RBM20: variants seen among roughly 807,000 people sequenced by gnomAD.
RBM20 encodes RNA binding motif protein 20.
In RBM20, 51 loss-of-function variants were observed where a neutral mutation model predicts 110.1. The ratio of observed to expected loss-of-function variants is 0.46; its 90% CI spans 0.37 to 0.59. The LOEUF is 0.59. Ranked by LOEUF, RBM20 falls within the 20% of genes least tolerant of loss-of-function variation. The pLI, the probability that RBM20 is intolerant of heterozygous loss-of-function variation, is 0.00. For missense variants in RBM20, 1,512 were observed against 1,574.9 expected, an observed-to-expected ratio of 0.96 and a Z score of 0.68; for synonymous variants, 589 against 618.2, an observed-to-expected ratio of 0.95 and a Z score of 0.70.
At chr10:110,660,462 C>G (rs151268204) in intron 1 of RBM20, among the ~76,000 whole-genome samples, 2 of 152,156 alleles carry the variant, frequency 1.3e-5, no homozygotes, top group African/African-American at 4.8e-5. Context: ...CTGTTAGGAA[C>G]GAGGCCACAC....
rs914841491 is a variant in RBM20 at position 110,694,290 on chromosome 10, C to A, written c.191+49645C>A. Among the ~76,000 whole-genome samples, 4 of 152,284 alleles carry A rather than the reference C, an allele frequency of 2.6e-5. No homozygotes were observed. In the South Asian group the frequency reaches 8.3e-4, roughly 32 times the overall value. On this transcript the variant is annotated intron_variant, in intron 1 of 13. Coordinates refer to ENST00000369519, the MANE Select transcript of RBM20 (RefSeq NM_001134363.3). The stretch of plus-strand genomic sequence containing the variant: ...AAGCCAAAAGGCAGCCTTGATCCCC[C>A]AAAAGAAATTGATTCTGTAACCCAA...
rs188458266 is a variant in RBM20 at position 110,830,799 on chromosome 10, G to A, written c.3452-262G>A. 5.9e-5 allele frequency among the ~76,000 whole-genome samples: 9 copies of A among 152,306 alleles called. No individual in the cohort carries two copies. The East Asian group carries it at 9.7e-4, about 16-fold the overall frequency. On this transcript the variant is annotated intron_variant, in intron 12 of 13. Coordinates refer to ENST00000369519, the MANE Select transcript of RBM20 (RefSeq NM_001134363.3). ...GGAGAACAGGCCAGCGGCAGGCCATGGAATGGCTAAGTGCTTACCACACCG... is the reference window on the plus strand; with the variant it reads ...GGAGAACAGGCCAGCGGCAGGCCATAGAATGGCTAAGTGCTTACCACACCG...
chr10:110,797,526 G>C lies in RBM20; in HGVS notation c.1546G>C (p.Ala516Pro), dbSNP rs1211180124. ...CCATTAGTTTGCACAGCGGAAAGGG[G>C]CTGGCCGTGTGGTGCACATCTGCAA... The part of the protein sequence containing the change: ...VGTTFAQRKG[A>P]GRVVHICNLP... The change falls in exon 6 of 14, where the codon GCT (alanine) becomes CCT (proline). Residue 516 changes from alanine (A) to proline (P), a missense_variant. By Grantham distance (27) the Ala-to-Pro change is conservative (BLOSUM62 -1). Coordinates refer to ENST00000369519, the MANE Select transcript of RBM20 (RefSeq NM_001134363.3). 3.2e-6 allele frequency: 5 copies of C among 1,551,242 alleles called. No homozygotes were observed. The highest frequency in any genetic ancestry group is 3.9e-5 in the Admixed American group (2 of 50,970).
At chr10:110,752,435 C>T (rs183897875) in intron 1 of RBM20, among the ~76,000 whole-genome samples, 13 of 152,264 alleles carry the variant, frequency 8.5e-5, no homozygotes, top group Non-Finnish European at 1.6e-4. Context: ...GTTTATTTAG[C>T]CATTCACCTG....
chr10:110,737,020 C>CA (rs1172579660), intron 1 of RBM20, among the ~76,000 whole-genome samples: 4 of 151,034 alleles, frequency 2.6e-5, no homozygotes, highest in Non-Finnish European at 5.9e-5. Flanking sequence ...ACTAAAAATA[C>CA]AAAAAAATTA....
intron 1 of RBM20, among the ~76,000 whole-genome samples, chr10:110,709,992 C>T (rs371084065): frequency 2.0e-5 from 3 of 152,118 alleles, no homozygotes; most frequent in East Asian, 3.8e-4. Flanking sequence ...AAGACATGTG[C>T]CCTCCTACAC....
chr10:110,830,990 G>A, intron 12 of RBM20, 71 bp from the exon 13 acceptor site: 5 of 1,442,676 alleles, frequency 3.5e-6, no homozygotes, highest in Non-Finnish European at 4.7e-6. Context: ...CTACCTGATG[G>A]CTGCCAGGAC....
chr10:110,715,216 C>A (rs1396070590), intron 1 of RBM20, among the ~76,000 whole-genome samples: 1 of 152,182 alleles, frequency 6.6e-6, no homozygotes, highest in African/African-American at 2.4e-5. Flanking sequence ...CCACTGCACT[C>A]CAGCCTGTGC....
intron 1 of RBM20, among the ~76,000 whole-genome samples, chr10:110,758,834 G>A (rs920737712): frequency 6.6e-6 from 1 of 152,150 alleles, no homozygotes; most frequent in African/African-American, 2.4e-5. Context: ...TTCAGGTAGG[G>A]AGGGCAGCTT....
At chr10:110,699,898 C>T (rs1862732445) in intron 1 of RBM20, among the ~76,000 whole-genome samples, 1 of 152,128 alleles carries the variant, frequency 6.6e-6, no homozygotes, top group African/African-American at 2.4e-5. Flanking sequence ...ACCGTTTATC[C>T]TATCATTGAG....
At chr10:110,740,586 C>A (rs1350089050) in intron 1 of RBM20, among the ~76,000 whole-genome samples, 1 of 152,164 alleles carries the variant, frequency 6.6e-6, no homozygotes, top group East Asian at 1.9e-4. Flanking sequence ...CTTCCCTTCC[C>A]CCATGTCTCC....
chr10:110,832,739 C>T (rs887515173), intron 13 of RBM20, among the ~76,000 whole-genome samples: 4 of 152,190 alleles, frequency 2.6e-5, no homozygotes, highest in African/African-American at 9.6e-5. Flanking sequence ...AATGTCATGG[C>T]CTGGGTCACC....
intron 12 of RBM20, among the ~76,000 whole-genome samples, chr10:110,828,910 G>T (rs1845014876): frequency 6.6e-6 from 1 of 152,170 alleles, no homozygotes; most frequent in African/African-American, 2.4e-5. Flanking sequence ...ACAGAAGATA[G>T]CTCTAGCTAC....
rs1354279137 is a variant in RBM20 at position 110,739,085 on chromosome 10, C to T, written c.192-41716C>T. Among the ~76,000 whole-genome samples, 3 of 152,120 alleles carry T rather than the reference C, an allele frequency of 2.0e-5. No individual in the cohort carries two copies. Among genetic ancestry groups the T allele is most frequent in the Admixed American group, 2.0e-4 (3 of 15,268 alleles). On this transcript the variant is annotated intron_variant, in intron 1 of 13. Coordinates refer to ENST00000369519, the MANE Select transcript of RBM20 (RefSeq NM_001134363.3). The surrounding 1 kb of genome is among the most constrained non-coding windows in gnomAD (Gnocchi z 4.1). Reference sequence around the variant, plus strand: ...GTCTGGACAGTCAGGAAGTACCTGTCGCAGGTGGCATTTTCTGGCTGGGCA... The same window carrying T: ...GTCTGGACAGTCAGGAAGTACCTGTTGCAGGTGGCATTTTCTGGCTGGGCA...
At chr10:110,685,993 TG>T (rs1410800327) in intron 1 of RBM20, among the ~76,000 whole-genome samples, 1 of 152,172 alleles carries the variant, frequency 6.6e-6, no homozygotes, top group African/African-American at 2.4e-5. Flanking sequence ...ATAGCTCGGA[TG>T]GGGATCAGTT....
chr10:110,664,661 C>T (rs142288188), intron 1 of RBM20, among the ~76,000 whole-genome samples: 2,012 of 152,016 alleles, frequency 0.013, 44 homozygotes, highest in African/African-American at 0.046. Context: ...GCATGAGAAT[C>T]GCTTGAACCT....
chr10:110,820,003 C>T (rs1844887254), intron 9 of RBM20, 69 bp from the exon 10 acceptor site: 1 of 969,782 alleles, frequency 1.0e-6, no homozygotes, highest in African/African-American at 1.7e-5. Context: ...CATTCAATAT[C>T]ATTCTTTTTT....
chr10:110,799,998 G>A (rs1002813455), intron 7 of RBM20, 80 bp downstream of exon 7: 17 of 1,336,282 alleles, frequency 1.3e-5, no homozygotes, highest in Admixed American at 4.1e-5. Context: ...TGACCTAAAC[G>A]CTGGTGGAAA....
chr10:110,644,082 T>C (rs1000028208), upstream of RBM20, among the ~76,000 whole-genome samples: 2 of 152,154 alleles, frequency 1.3e-5, no homozygotes, highest in Non-Finnish European at 2.9e-5. The surrounding 1 kb of genome is among the most constrained non-coding windows in gnomAD (Gnocchi z 4.3). Flanking sequence ...AACGCTGGGC[T>C]ACGGACCCTG....
Sources: allele counts gnomAD v4.1 joint callset (sites outside exome capture counted in the v4.1 genomes callset), GRCh38; gene constraint gnomAD v4.1.1; non-coding constraint Gnocchi (gnomAD v3.1); transcripts MANE v1.5; gene names NCBI Gene and HGNC (gene_info 2026-07-23, HGNC 2026-07-21).